Variants in AMDHD2 observed in about 807,000 individuals in gnomAD.
The protein encoded by AMDHD2 is N-acetylglucosamine-6-phosphate deacetylase.
In AMDHD2, 24 loss-of-function variants were observed where a neutral mutation model predicts 41.8. That is an observed-to-expected ratio of 0.57 (90% confidence interval 0.42 to 0.81). The LOEUF (loss-of-function observed/expected upper bound fraction) is 0.81, where lower values mean the gene tolerates loss of function less well. AMDHD2 is among the 30% of genes least tolerant of loss of function. AMDHD2 has a pLI of 0.00. For synonymous variants in AMDHD2, 332 were observed against 255.5 expected, an observed-to-expected ratio of 1.30 and a Z score of -2.85; for missense variants, 540 against 588.5, an observed-to-expected ratio of 0.92 and a Z score of 0.85.
In AMDHD2 at chr16:2,530,532, TTC is replaced by T; in HGVS notation, c.*974_*975del. 1 of 1,614,184 alleles carries T rather than the reference TTC, an allele frequency of 6.2e-7. No individual in the cohort carries two copies. The highest frequency in any genetic ancestry group is 1.1e-5 in the South Asian group (1 of 91,088). On this transcript the variant is annotated 3_prime_UTR_variant, in exon 11 of 11. Transcript: ENST00000293971. Reference sequence around the variant, plus strand: ...CACGTCAGGGGTGATTGTCTTGACTTTCTCTCCATTTGAGTTCTGGGGTGGGT... The same window carrying T: ...CACGTCAGGGGTGATTGTCTTGACTTTCTCCATTTGAGTTCTGGGGTGGGT...
At position 2,530,281 on chromosome 16, in the gene AMDHD2, A is replaced by G. The variant is rs188019179; in HGVS notation, c.*718A>G. ...GGCCCAGTGCTTGCCGGCTGTGGTG[A>G]CCCTGCCTGGTGCTGGAGGGCAGTA... On this transcript the variant is annotated 3_prime_UTR_variant, in exon 11 of 11. Transcript: ENST00000293971. The G allele has an allele frequency of 2.3e-4, 375 of 1,613,220 alleles. 2 individuals carry two copies. In the African/African-American group the frequency reaches 4.7e-3, roughly 20 times the overall value.
chr16:2,527,984 A>T lies in AMDHD2; in HGVS notation c.627A>T (p.Leu209=), dbSNP rs772277941. The change falls in exon 5 of 11, where the codon CTA becomes CTT. Residue 209 remains leucine (L), a splice_region_variant and synonymous_variant. Coordinates refer to ENST00000293971, the MANE Select transcript of AMDHD2 (RefSeq NM_001330449.2). This position sits in a 1 kb window ranked among gnomAD's most constrained non-coding sequence, Gnocchi z 6.1. ...ALTARGICVS[L]GHSVADLRAA... ...CGGCCCGTGGCATCTGCGTGTCCCT[A>T]GGTGAGGGGCCGGCTCGGGGTGGGC... is the stretch of plus-strand genomic sequence containing the variant. 6.2e-7 allele frequency: 1 copy of T among 1,606,388 alleles called. No individual in the cohort carries two copies. The highest frequency in any genetic ancestry group is 1.3e-5 in the African/African-American group (1 of 74,998).
intron 3 of AMDHD2, among the ~76,000 whole-genome samples, chr16:2,521,724 T>C (rs2065940442): frequency 6.6e-6 from 1 of 152,108 alleles, no homozygotes; most frequent in Non-Finnish European, 1.5e-5. Flanking sequence ...GTGCTACTGT[T>C]TTTTACTGAA....
chr16:2,529,294 C>A (rs1376214688), intron 10 of AMDHD2, 181 bp from the exon 11 acceptor site: 2 of 1,115,170 alleles, frequency 1.8e-6, no homozygotes, highest in Non-Finnish European at 1.3e-6. Context: ...CAAGGCCAGG[C>A]AAGGGGTTGC....
chr16:2,529,325 T>C, intron 10 of AMDHD2, 150 bp from the exon 11 acceptor site: 1 of 1,292,960 alleles, frequency 7.7e-7, no homozygotes, highest in Non-Finnish European at 1.1e-6. Flanking sequence ...GTCCAGTACC[T>C]CTGTCCATCT....
rs767632861 is a variant in AMDHD2 at position 2,529,558 on chromosome 16, C to T, written c.1225C>T (p.Gln409Ter). The T allele has an allele frequency of 6.8e-6, 11 of 1,607,358 alleles. No homozygotes were observed. The highest frequency in any genetic ancestry group is 9.3e-6 in the Non-Finnish European group (11 of 1,179,930). The change falls in exon 11 of 11, where the codon CAG becomes TAG. Residue 409 changes from glutamine to a stop codon, truncating the protein, a stop_gained. Transcript: ENST00000293971. LOFTEE classifies it high-confidence loss of function. The stretch of plus-strand genomic sequence containing the variant: ...GGTGTGGCAGGCGGACGCAGCTAGG[C>T]AGTGACAAGGACCTCGGCTGAGAGG... ...ELVWQADAAR[Q>*] is the part of the protein sequence containing the mutation.
intron 10 of AMDHD2, 118 bp from the exon 11 acceptor site, chr16:2,529,357 C>T (rs1433388750): frequency 6.7e-7 from 1 of 1,483,554 alleles, no homozygotes; most frequent in East Asian, 2.3e-5. Flanking sequence ...GGGTGTCTTG[C>T]ACTAGTCGTG....
At position 2,531,407 on chromosome 16, in the gene AMDHD2, A is replaced by G. The variant is rs1207422550; in HGVS notation, c.*1844A>G. ...TTGTGGTAAAATACATAACAAAAGTAACTATCGTAACCTGAGCAGTTCTGT... is the reference window on the plus strand; with the variant it reads ...TTGTGGTAAAATACATAACAAAAGTGACTATCGTAACCTGAGCAGTTCTGT... On this transcript the variant is annotated 3_prime_UTR_variant, in exon 11 of 11. Coordinates refer to ENST00000293971, the MANE Select transcript of AMDHD2 (RefSeq NM_001330449.2). 5.9e-6 allele frequency: 3 copies of G among 505,416 alleles called. No homozygotes were observed. The highest frequency in any genetic ancestry group is 1.9e-5 in the African/African-American group (1 of 52,442). The allele number at this position is 505,416 out of a possible 1,614,324, so 31.3% of individuals were successfully genotyped here. A position where few individuals can be genotyped will look rare whatever the true frequency, so the allele number is the denominator to read the frequency against.
In AMDHD2 at chr16:2,529,324, C is replaced by T. The variant is rs1597000303; in HGVS notation, c.1142-151C>T. The T allele has an allele frequency of 1.1e-5, 14 of 1,297,154 alleles. No individual in the cohort carries two copies. The East Asian group carries it at 2.6e-4, about 24-fold the overall frequency. 80.4% of individuals were successfully genotyped at this position (1,297,154 alleles called of 1,614,324 possible). ...GGTTGCAGGGAGCATTGTCCAGTACCTCTGTCCATCTGTGATGGGTCAGGG... is the reference window on the plus strand; with the variant it reads ...GGTTGCAGGGAGCATTGTCCAGTACTTCTGTCCATCTGTGATGGGTCAGGG... On this transcript the variant is annotated intron_variant, in intron 10 of 10. Transcript: ENST00000293971.
chr16:2,529,193 C>T (rs928969787), intron 10 of AMDHD2, 98 bp downstream of exon 10: 2 of 1,227,754 alleles, frequency 1.6e-6, no homozygotes, highest in African/African-American at 3.1e-5. Context: ...GGTGGGTCCT[C>T]CCTAGCTCCC....
intron 10 of AMDHD2, 107 bp downstream of exon 10, chr16:2,529,202 C>T (rs2066051044): frequency 1.1e-5 from 13 of 1,197,152 alleles, no homozygotes; most frequent in South Asian, 1.6e-5. Context: ...TCCCTAGCTC[C>T]CTCCTCTCAG....
chr16:2,530,591 C>T lies in AMDHD2; in HGVS notation c.*1028C>T, dbSNP rs2066077394. The T allele has an allele frequency of 1.9e-6, 3 of 1,614,066 alleles. No homozygotes were observed. The highest frequency in any genetic ancestry group is 1.7e-6 in the Non-Finnish European group (2 of 1,180,032). On this transcript the variant is annotated 3_prime_UTR_variant, in exon 11 of 11. Transcript: ENST00000293971. ...CTTCCCCCTTGCTTACAGGTGCTGT[C>T]CTGGGCACAGGAGGTACGCGCCTGG...
At position 2,531,270 on chromosome 16, in the gene AMDHD2, GGA is replaced by G. The variant is rs1344179386; in HGVS notation, c.*1711_*1712del. ...TCCACAGGGCTAGCCCTGGGTGGTG[GGA>G]GAGGGGCCCAGGGTCAGGGTGAGAG... On this transcript the variant is annotated 3_prime_UTR_variant, in exon 11 of 11. Coordinates refer to ENST00000293971, the MANE Select transcript of AMDHD2 (RefSeq NM_001330449.2). 16 of 649,142 alleles carry G rather than the reference GGA, an allele frequency of 2.5e-5. No individual in the cohort carries two copies. The highest frequency in any genetic ancestry group is 9.3e-5 in the Admixed American group (3 of 32,410). 40.2% of individuals were successfully genotyped at this position (649,142 alleles called of 1,614,324 possible).
chr16:2,529,070 G>A lies in AMDHD2; in HGVS notation c.1116G>A (p.Gly372=). The A allele has an allele frequency of 6.3e-7, 1 of 1,595,314 alleles. No individual in the cohort carries two copies. Among genetic ancestry groups the A allele is most frequent in the Non-Finnish European group, 8.5e-7 (1 of 1,171,554 alleles). The change falls in exon 10 of 11, where the codon GGG becomes GGA. Residue 372 remains glycine (G), a synonymous_variant. Coordinates refer to ENST00000293971, the MANE Select transcript of AMDHD2 (RefSeq NM_001330449.2). The part of the protein sequence containing the change: ...AQLLGLEKSK[G]TLDFGADADF... ...TGCTGGGGCTGGAGAAGAGTAAGGG[G>A]ACCCTGGACTTTGGTGCTGACGCAG...
chr16:2,522,619 G>A (rs1345399421), intron 3 of AMDHD2, among the ~76,000 whole-genome samples: 1 of 151,852 alleles, frequency 6.6e-6, no homozygotes, highest in East Asian at 2.0e-4. Context: ...AGAGGTTGCA[G>A]TGAGCCGAGA....
Position 2,527,532 on chromosome 16 carries a change from A to T in AMDHD2, c.361-29A>T. On this transcript the variant is annotated intron_variant, in intron 3 of 10. Coordinates refer to ENST00000293971, the MANE Select transcript of AMDHD2 (RefSeq NM_001330449.2). This position sits in a 1 kb window ranked among gnomAD's most constrained non-coding sequence, Gnocchi z 6.1. ...GGCCTCTGGGAATGGGCTGTGGGGGACAGGGCTTTAACAGCTGGTTCCCCC... is the reference window on the plus strand; with the variant it reads ...GGCCTCTGGGAATGGGCTGTGGGGGTCAGGGCTTTAACAGCTGGTTCCCCC... The T allele has an allele frequency of 1.9e-6, 3 of 1,604,692 alleles. No homozygotes were observed. Among genetic ancestry groups the T allele is most frequent in the Non-Finnish European group, 2.6e-6 (3 of 1,176,198 alleles).
intron 3 of AMDHD2, among the ~76,000 whole-genome samples, chr16:2,523,446 C>T (rs969861600): frequency 2.6e-5 from 4 of 152,136 alleles, no homozygotes; most frequent in African/African-American, 9.7e-5. Context: ...TGTCATGTAT[C>T]GGCTGGAAGA....
rs74573356 is a variant in AMDHD2 at position 2,530,121 on chromosome 16, C to T, written c.*558C>T. On this transcript the variant is annotated 3_prime_UTR_variant, in exon 11 of 11. Transcript: ENST00000293971. ...GGCCAGGGCACAGTGCCAGGGGCTC[C>T]GCTCTGACCTCCAGGAGGGAGACTG... 23,803 of 1,303,836 alleles carry T rather than the reference C, an allele frequency of 0.018. 260 individuals are homozygous for T. The highest frequency in any genetic ancestry group is 0.022 in the Non-Finnish European group (21,338 of 976,580). 80.8% of individuals were successfully genotyped at this position (1,303,836 alleles called of 1,614,324 possible). A position where few individuals can be genotyped will look rare whatever the true frequency, so the allele number is the denominator to read the frequency against.
At position 2,531,408 on chromosome 16, in the gene AMDHD2, ACTAT is replaced by A. The variant is rs1342875449; in HGVS notation, c.*1847_*1850del. On this transcript the variant is annotated 3_prime_UTR_variant, in exon 11 of 11. Coordinates refer to ENST00000293971, the MANE Select transcript of AMDHD2 (RefSeq NM_001330449.2). ...TGTGGTAAAATACATAACAAAAGTA[ACTAT>A]CGTAACCTGAGCAGTTCTGTGACAT... The A allele has an allele frequency of 2.0e-6, 1 of 502,572 alleles. No homozygotes were observed. The highest frequency in any genetic ancestry group is 1.9e-5 in the African/African-American group (1 of 52,334). The allele number at this position is 502,572 out of a possible 1,614,324, so 31.1% of individuals were successfully genotyped here.
Sources: allele counts gnomAD v4.1 joint callset (sites outside exome capture counted in the v4.1 genomes callset), GRCh38; gene constraint gnomAD v4.1.1; non-coding constraint Gnocchi (gnomAD v3.1); transcripts MANE v1.5; gene names NCBI Gene and HGNC (gene_info 2026-07-23, HGNC 2026-07-21).